Variants in SDK1 observed in about 807,000 individuals in gnomAD.
The protein encoded by SDK1 is sidekick cell adhesion molecule 1.
SDK1 carries 157 observed loss-of-function variants against 245.5 expected under a neutral mutation model. That is an observed-to-expected ratio of 0.64 (90% CI 0.56 to 0.73). SDK1 has a LOEUF of 0.73. Among genes scored for constraint, SDK1 ranks in the 30% least tolerant of loss-of-function variants. The pLI is 0.00. For missense variants in SDK1, 3,583 were observed against 3,002.3 expected (o/e 1.19, Z -4.52); for synonymous variants, 1,647 against 1,278.5 (o/e 1.29, Z -6.15).
At chr7:4,066,096 C>A (rs1779880508) in intron 19 of SDK1, among the ~76,000 whole-genome samples, 1 of 152,180 alleles carries the variant, frequency 6.6e-6, no homozygotes, top group South Asian at 2.1e-4. Context: ...TCAGCTGATA[C>A]ATACAGAAAC....
chr7:3,983,740 G>A (rs1211758752), intron 13 of SDK1, among the ~76,000 whole-genome samples: 1 of 152,194 alleles, frequency 6.6e-6, no homozygotes, highest in Admixed American at 6.5e-5. Context: ...TTATCAAGGG[G>A]ATTTTCACAG....
chr7:4,020,293 A>G lies in SDK1; in HGVS notation c.2602+2941A>G, dbSNP rs1168222801. ...AAGGGTGGTCCATGGCCTGGGGGAC[A>G]TGGCTGGCTTGGCTGGCTGCACAGC... On this transcript the variant is annotated intron_variant, in intron 17 of 44. Coordinates refer to ENST00000404826, the MANE Select transcript of SDK1 (RefSeq NM_152744.4). Among the ~76,000 whole-genome samples, 4 of 152,254 alleles carry G rather than the reference A, an allele frequency of 2.6e-5. No homozygotes were observed. The East Asian group carries it at 5.8e-4, about 22-fold the overall frequency.
chr7:4,166,472 G>C (rs909142550), intron 32 of SDK1, among the ~76,000 whole-genome samples: 1 of 152,274 alleles, frequency 6.6e-6, no homozygotes, highest in African/African-American at 2.4e-5. Flanking sequence ...GGCCCCTGCA[G>C]TGAAAGGCTG....
At chr7:3,365,973 A>G (rs1385094761) in intron 1 of SDK1, among the ~76,000 whole-genome samples, 1 of 151,520 alleles carries the variant, frequency 6.6e-6, no homozygotes, top group African/African-American at 2.4e-5. Context: ...TGCGAGGCAG[A>G]GGTTGCAATG....
At chr7:3,664,718 C>G (rs2002669) in intron 4 of SDK1, among the ~76,000 whole-genome samples, 1 of 146,264 alleles carries the variant, frequency 6.8e-6, no homozygotes, top group Non-Finnish European at 1.5e-5. Context: ...CCAGCCTGGG[C>G]AACAGAGCGA....
intron 1 of SDK1, among the ~76,000 whole-genome samples, chr7:3,518,625 A>G (rs1050296170): frequency 3.3e-5 from 5 of 152,142 alleles, no homozygotes; most frequent in African/African-American, 7.2e-5. Context: ...AAAAACCACA[A>G]TAAGATATCA....
At chr7:4,203,267 C>T (rs1393323872) in intron 35 of SDK1, among the ~76,000 whole-genome samples, 2 of 152,178 alleles carry the variant, frequency 1.3e-5, no homozygotes, top group Non-Finnish European at 2.9e-5. Context: ...CTCCAGAAGT[C>T]CTGAAAGCTT....
intron 1 of SDK1, among the ~76,000 whole-genome samples, chr7:3,595,386 G>T (rs1443575239): frequency 6.6e-6 from 1 of 151,948 alleles, no homozygotes; most frequent in South Asian, 2.1e-4. Context: ...CTACTGCATG[G>T]ATTATCTTTG....
intron 5 of SDK1, among the ~76,000 whole-genome samples, chr7:3,900,900 G>A (rs1781765366): frequency 6.6e-6 from 1 of 152,086 alleles, no homozygotes; most frequent in Non-Finnish European, 1.5e-5. Flanking sequence ...TTTATGTGTA[G>A]TTCTGTTATC....
chr7:4,095,110 T>C (rs372099599), intron 22 of SDK1, among the ~76,000 whole-genome samples: 46 of 151,550 alleles, frequency 3.0e-4, no homozygotes, highest in South Asian at 1.0e-3. Context: ...AGCTCCTCCA[T>C]ATCTGAGGTC....
At chr7:3,975,991 G>A (rs774999516) in intron 13 of SDK1, among the ~76,000 whole-genome samples, 87 of 42,204 alleles carry the variant, frequency 2.1e-3, no homozygotes, top group African/African-American at 6.3e-3. Context: ...TGAGGGTCCC[G>A]GGGCTGAGGC....
intron 5 of SDK1, among the ~76,000 whole-genome samples, chr7:3,919,468 G>T (rs969033579): frequency 2.0e-5 from 3 of 152,260 alleles, no homozygotes; most frequent in Admixed American, 6.5e-5. Context: ...AATTGGAGGG[G>T]AAGGAGAGGA....
At chr7:3,566,630 A>G (rs531171941) in intron 1 of SDK1, among the ~76,000 whole-genome samples, 6 of 152,096 alleles carry the variant, frequency 3.9e-5, no homozygotes, top group African/African-American at 1.4e-4. Context: ...AGATGGGCAG[A>G]TGACAGAATG....
chr7:3,594,020 G>C lies in SDK1; in HGVS notation c.299-25060G>C, dbSNP rs556320492. On this transcript the variant is annotated intron_variant, in intron 1 of 44. Coordinates refer to ENST00000404826, the MANE Select transcript of SDK1 (RefSeq NM_152744.4). ...TAATTCATGATTTTTAACATGTTTA[G>C]GGAGTTGTGCAACCATCATCATAAT... Among the ~76,000 whole-genome samples the C allele has an allele frequency of 1.2e-4, 19 of 152,202 alleles. No homozygotes were observed. In the South Asian group the frequency reaches 3.7e-3, roughly 30 times the overall value.
At chr7:4,068,443 C>T (rs151238545) in intron 20 of SDK1, among the ~76,000 whole-genome samples, 5 of 152,112 alleles carry the variant, frequency 3.3e-5, no homozygotes, top group African/African-American at 9.7e-5. Flanking sequence ...ATGAGGCTTA[C>T]GTGCCTGTGT....
chr7:3,665,201 A>C (rs1042265523), intron 4 of SDK1, among the ~76,000 whole-genome samples: 32 of 152,144 alleles, frequency 2.1e-4, no homozygotes, highest in African/African-American at 7.2e-4. Flanking sequence ...CAGGAGACCC[A>C]CACATGGGGA....
At chr7:3,777,074 C>A (rs183447984) in intron 4 of SDK1, among the ~76,000 whole-genome samples, 1 of 152,130 alleles carries the variant, frequency 6.6e-6, no homozygotes, top group Non-Finnish European at 1.5e-5. Context: ...TCTCTAAAAT[C>A]TATTTTGTAA....
intron 5 of SDK1, among the ~76,000 whole-genome samples, chr7:3,896,193 T>C (rs1045765156): frequency 2.0e-5 from 3 of 152,240 alleles, no homozygotes; most frequent in Non-Finnish European, 2.9e-5. Context: ...TACTCACATA[T>C]TGACCATTTC....
At chr7:4,205,112 G>C (rs1019744727) in intron 35 of SDK1, among the ~76,000 whole-genome samples, 1 of 140,614 alleles carries the variant, frequency 7.1e-6, no homozygotes, top group African/African-American at 2.8e-5. Context: ...CCCAGGGGGA[G>C]CGAGGGGGCT....
Sources: allele counts gnomAD v4.1 joint callset (sites outside exome capture counted in the v4.1 genomes callset), GRCh38; gene constraint gnomAD v4.1.1; transcripts MANE v1.5; gene names NCBI Gene and HGNC (gene_info 2026-07-23, HGNC 2026-07-21).